The following TTC23 variants were observed in gnomAD, a reference collection of about 807,000 sequenced individuals.
TTC23 encodes the protein tetratricopeptide repeat domain 23.
Under a neutral mutation model 55.1 loss-of-function variants are expected in TTC23, and 58 were observed. That is an observed-to-expected ratio of 1.05 (90% CI 0.85 to 1.31). The LOEUF (loss-of-function observed/expected upper bound fraction) is 1.31. Ranked by LOEUF, TTC23 falls within the 50% of genes most tolerant of loss-of-function variation. The pLI is 0.00. For synonymous variants in TTC23, 203 were observed against 199.9 expected, an observed-to-expected ratio of 1.02 and a Z score of -0.13; for missense variants, 516 against 534.4, an observed-to-expected ratio of 0.97 and a Z score of 0.34.
chr15:99,184,749 T>C (rs1465050355), intron 9 of TTC23, among the ~76,000 whole-genome samples: 2 of 152,158 alleles, frequency 1.3e-5, no homozygotes, highest in Non-Finnish European at 2.9e-5. Flanking sequence ...GGGGGACTGT[T>C]GGAAGGGCAT....
chr15:99,183,016 C>G (rs1280047638), intron 9 of TTC23, among the ~76,000 whole-genome samples: 1 of 152,130 alleles, frequency 6.6e-6, no homozygotes, highest in Admixed American at 6.5e-5. Context: ...GACTTTGGAA[C>G]TGGGTAATGG....
chr15:99,216,130 G>C lies in TTC23; in HGVS notation c.581+2458C>G, dbSNP rs149837652. Among the ~76,000 whole-genome samples the C allele has an allele frequency of 7.9e-3, 1,205 of 152,190 alleles. 53 individuals carry two copies. The highest frequency in any genetic ancestry group is 0.067 in the Admixed American group (1,026 of 15,280). ...AACAATGCAATACAATTACAAATCA[G>C]TAACACCAAGATATCTTGAAAACTC... On this transcript the variant is annotated intron_variant, in intron 8 of 13. Transcript: ENST00000394132.
intron 6 of TTC23, 117 bp from the exon 7 acceptor site, chr15:99,219,165 T>A: frequency 1.7e-6 from 2 of 1,170,894 alleles, no homozygotes; most frequent in East Asian, 2.4e-5. Context: ...AAATGACACA[T>A]GGAGACGTAT....
chr15:99,141,492 CTGAA>C (rs1274538186), intron 12 of TTC23, among the ~76,000 whole-genome samples: 9 of 152,214 alleles, frequency 5.9e-5, no homozygotes, highest in Middle Eastern at 6.8e-3. Context: ...ATTTCTTATA[CTGAA>C]TGGTGAGTTC....
At chr15:99,152,410 T>G (rs1327251533) in intron 12 of TTC23, among the ~76,000 whole-genome samples, 1 of 152,250 alleles carries the variant, frequency 6.6e-6, no homozygotes, top group Non-Finnish European at 1.5e-5. Context: ...TCTTTCTTGC[T>G]CTGTGCCCCA....
intron 5 of TTC23, among the ~76,000 whole-genome samples, chr15:99,226,762 C>G (rs757510456): frequency 6.6e-6 from 1 of 152,284 alleles, no homozygotes; most frequent in South Asian, 2.1e-4. Context: ...TTCCTCAGGT[C>G]TCAGCTTATC....
chr15:99,143,819 C>G (rs1478770055), intron 12 of TTC23, among the ~76,000 whole-genome samples: 3 of 152,234 alleles, frequency 2.0e-5, no homozygotes, highest in East Asian at 1.9e-4. Context: ...TTGCTCACCA[C>G]TGTGTTCCAG....
chr15:99,199,890 G>C, intron 9 of TTC23, 29 bp downstream of exon 9: 1 of 1,592,106 alleles, frequency 6.3e-7, no homozygotes, highest in Non-Finnish European at 8.5e-7. Context: ...GCCTAGAACA[G>C]CTTTGGTAGC....
chr15:99,146,142 A>G (rs2068833502), intron 12 of TTC23, among the ~76,000 whole-genome samples: 1 of 152,238 alleles, frequency 6.6e-6, no homozygotes, highest in South Asian at 2.1e-4. Context: ...CAACGACTGC[A>G]ATACAAATAT....
chr15:99,251,121 T>C (rs2080708652), upstream of TTC23: 1 of 152,268 alleles, frequency 6.6e-6, no homozygotes, highest in Non-Finnish European at 1.5e-5. Flanking sequence ...GGTCAGTAAC[T>C]GGCGGTTCCC....
intron 8 of TTC23, among the ~76,000 whole-genome samples, chr15:99,203,314 A>T (rs978610188): frequency 6.6e-6 from 1 of 152,152 alleles, no homozygotes; most frequent in African/African-American, 2.4e-5. Context: ...TTAGAGGACA[A>T]ATTTTTTTAA....
At chr15:99,224,701 C>A (rs2078242150) in intron 5 of TTC23, among the ~76,000 whole-genome samples, 1 of 152,204 alleles carries the variant, frequency 6.6e-6, no homozygotes, top group Non-Finnish European at 1.5e-5. Flanking sequence ...ATTGAAGTGC[C>A]TCTCCCAGAG....
At chr15:99,217,125 T>TA (rs771426248) in intron 8 of TTC23, among the ~76,000 whole-genome samples, 1 of 151,712 alleles carries the variant, frequency 6.6e-6, no homozygotes, top group Non-Finnish European at 1.5e-5. Context: ...GAATGATACA[T>TA]ACGCTACAAA....
At chr15:99,225,850 C>T (rs1272995026) in intron 5 of TTC23, among the ~76,000 whole-genome samples, 1 of 152,140 alleles carries the variant, frequency 6.6e-6, no homozygotes, top group Non-Finnish European at 1.5e-5. Context: ...AGTAAAGAAA[C>T]CTGCCAGACA....
At chr15:99,139,675 G>A in intron 12 of TTC23, 2 of 1,406,904 alleles carry the variant, frequency 1.4e-6, no homozygotes, top group Non-Finnish European at 1.9e-6. Context: ...TAAAAATAAA[G>A]GCAAGAACCT....
chr15:99,138,715 G>A (rs1391485492), intron 13 of TTC23, among the ~76,000 whole-genome samples: 4 of 152,238 alleles, frequency 2.6e-5, no homozygotes, highest in African/African-American at 9.6e-5. Flanking sequence ...GATGGTCAGG[G>A]TTGCACTGGA....
intron 3 of TTC23, among the ~76,000 whole-genome samples, chr15:99,240,283 G>A (rs751494181): frequency 2.6e-5 from 4 of 151,982 alleles, no homozygotes; most frequent in Non-Finnish European, 4.4e-5. Context: ...TTTCTTTTTT[G>A]GCTTAATTGT....
chr15:99,229,155 A>ATATG (rs1416133342), intron 4 of TTC23, among the ~76,000 whole-genome samples: 2 of 152,070 alleles, frequency 1.3e-5, no homozygotes, highest in Non-Finnish European at 2.9e-5. Flanking sequence ...ATATATATAT[A>ATATG]TATCTAAAGT....
intron 4 of TTC23, among the ~76,000 whole-genome samples, chr15:99,233,265 G>A (rs1567552778): frequency 1.3e-5 from 2 of 152,168 alleles, no homozygotes; most frequent in Admixed American, 1.3e-4. Context: ...TAATACATAT[G>A]TTAATTAGCT....
Sources: allele counts gnomAD v4.1 joint callset (sites outside exome capture counted in the v4.1 genomes callset), GRCh38; gene constraint gnomAD v4.1.1; transcripts MANE v1.5; gene names NCBI Gene and HGNC (gene_info 2026-07-23, HGNC 2026-07-21).